TRIQK: variants seen among roughly 807,000 people sequenced by gnomAD.
The protein encoded by TRIQK is triple QxxK/R motif containing.
TRIQK carries 10 observed loss-of-function variants against 10.8 expected under a neutral mutation model. The ratio of observed to expected loss-of-function variants is 0.92; its 90% CI spans 0.57 to 1.57. The LOEUF (loss-of-function observed/expected upper bound fraction) is 1.57. Ranked by LOEUF, TRIQK falls within the 40% of genes most tolerant of loss-of-function variation. The probability of loss-of-function intolerance (pLI) is 0.00; values close to 1 mark genes in which losing one functional copy is unlikely to be tolerated. For missense variants in TRIQK, 107 were observed against 97.7 expected (o/e 1.09, Z -0.40); for synonymous variants, 33 against 33.7 (o/e 0.98, Z 0.07).
chr8:92,892,615 T>A (rs1228685242), intron 3 of TRIQK, among the ~76,000 whole-genome samples: 2 of 151,614 alleles, frequency 1.3e-5, no homozygotes, highest in East Asian at 1.9e-4. Flanking sequence ...ATATTTCTTT[T>A]ATTTCCTCTT....
chr8:92,890,198 T>C (rs1816692744), intron 4 of TRIQK, among the ~76,000 whole-genome samples: 1 of 151,776 alleles, frequency 6.6e-6, no homozygotes, highest in African/African-American at 2.4e-5. Context: ...GGCAAATTAA[T>C]TAGTATGCCA....
chr8:92,887,477 A>G (rs1462519352), intron 4 of TRIQK, among the ~76,000 whole-genome samples: 1 of 151,492 alleles, frequency 6.6e-6, no homozygotes, highest in Non-Finnish European at 1.5e-5. Flanking sequence ...TAAAAATCAT[A>G]TTATCTCTCA....
chr8:92,977,051 C>T (rs1812940687), intron 1 of TRIQK, among the ~76,000 whole-genome samples: 1 of 151,856 alleles, frequency 6.6e-6, no homozygotes, highest in African/African-American at 2.4e-5. Flanking sequence ...TGTATATTTA[C>T]CCACATATTT....
At chr8:93,005,377 C>T (rs1375460427) in intron 1 of TRIQK, among the ~76,000 whole-genome samples, 2 of 152,102 alleles carry the variant, frequency 1.3e-5, no homozygotes, top group African/African-American at 4.8e-5. Context: ...GAGAAATCCA[C>T]CCCCATGATC....
At chr8:93,004,554 T>TC (rs1314800785) in intron 1 of TRIQK, among the ~76,000 whole-genome samples, 1 of 152,240 alleles carries the variant, frequency 6.6e-6, no homozygotes, top group Non-Finnish European at 1.5e-5. Context: ...TTGAATTCCT[T>TC]CCCCAAAAGT....
intron 1 of TRIQK, among the ~76,000 whole-genome samples, chr8:93,013,760 T>C (rs1234861642): frequency 6.6e-6 from 1 of 152,108 alleles, no homozygotes; most frequent in Non-Finnish European, 1.5e-5. Flanking sequence ...ACAAAACAAT[T>C]CCATTTTCTT....
chr8:92,950,082 G>A (rs1811816321), intron 2 of TRIQK, among the ~76,000 whole-genome samples: 2 of 152,116 alleles, frequency 1.3e-5, no homozygotes, highest in South Asian at 4.1e-4. Context: ...CAGCTAAGTG[G>A]CTTCTACAAA....
At chr8:92,956,021 C>T (rs974012371) in intron 1 of TRIQK, among the ~76,000 whole-genome samples, 7 of 151,656 alleles carry the variant, frequency 4.6e-5, no homozygotes, top group Admixed American at 6.6e-5. Flanking sequence ...CAAAAATGCA[C>T]GGAGTTACCA....
In TRIQK at chr8:92,966,003, AC is replaced by A. The variant is rs1285964631; in HGVS notation, c.-181+3del. On this transcript the variant is annotated splice_donor_region_variant and intron_variant, in intron 1 of 4. Coordinates refer to ENST00000521988, the MANE Select transcript of TRIQK (RefSeq NM_001171797.2). ...CAATCCCCTCGCACTCGCCGGACAC[AC>A]ACCTCAGCTCTGCCAAGGCAAGGGC... The A allele has an allele frequency of 6.6e-6, 1 of 152,666 alleles. No individual in the cohort carries two copies. Among genetic ancestry groups the A allele is most frequent in the Non-Finnish European group, 1.5e-5 (1 of 68,422 alleles). 9.5% of individuals were successfully genotyped at this position (152,666 alleles called of 1,614,324 possible).
chr8:92,886,479 G>GCAA lies in TRIQK; in HGVS notation c.*140_*142dup. ...TAAGGTTCTTTTCCTGACATCCTAT[G>GCAA]CAACTATCAAAAATCATATGTCTGC... is the stretch of plus-strand genomic sequence containing the variant. On this transcript the variant is annotated 3_prime_UTR_variant, in exon 5 of 5. Coordinates refer to ENST00000521988, the MANE Select transcript of TRIQK (RefSeq NM_001171797.2). 1 of 562,038 alleles carries GCAA rather than the reference G, an allele frequency of 1.8e-6. No homozygotes were observed. Among genetic ancestry groups the GCAA allele is most frequent in the Non-Finnish European group, 3.1e-6 (1 of 319,922 alleles). The allele number at this position is 562,038 out of a possible 1,614,324, so 34.8% of individuals were successfully genotyped here.
At chr8:93,016,717 A>G (rs1203805610) in intron 1 of TRIQK, among the ~76,000 whole-genome samples, 1 of 152,190 alleles carries the variant, frequency 6.6e-6, no homozygotes, top group Non-Finnish European at 1.5e-5. Flanking sequence ...GCAGTCATCC[A>G]GGCAGTGAGC....
intron 4 of TRIQK, among the ~76,000 whole-genome samples, chr8:92,889,722 A>C (rs1409482529): frequency 2.0e-5 from 3 of 151,648 alleles, no homozygotes; most frequent in Non-Finnish European, 4.4e-5. Context: ...CTAGTGTATT[A>C]TTGAACTCTC....
intron 2 of TRIQK, among the ~76,000 whole-genome samples, chr8:92,949,812 AAGAAAGAAAGAAAG>A (rs1811784112): frequency 7.1e-6 from 1 of 140,696 alleles, no homozygotes; most frequent in Non-Finnish European, 1.6e-5. Flanking sequence ...GAAAGAAAGA[AAGAAAGAAAGAAAG>A]AAAGAAAGAA....
chr8:92,936,829 T>A (rs1475481111), intron 2 of TRIQK, among the ~76,000 whole-genome samples: 1 of 151,802 alleles, frequency 6.6e-6, no homozygotes, highest in Non-Finnish European at 1.5e-5. Flanking sequence ...AGTTTATATA[T>A]AAAATTCTAA....
chr8:92,938,738 A>G (rs1811121912), intron 2 of TRIQK, among the ~76,000 whole-genome samples: 1 of 152,084 alleles, frequency 6.6e-6, no homozygotes, highest in Non-Finnish European at 1.5e-5. Context: ...TGTTACTGCA[A>G]TATCTTCAAG....
chr8:92,973,049 G>A (rs1432945543), intron 1 of TRIQK: 1 of 152,168 alleles, frequency 6.6e-6, no homozygotes. Flanking sequence ...AATTCTGATG[G>A]ACCCATCATA....
chr8:92,996,760 G>A lies in TRIQK; in HGVS notation c.-181+20849C>T, dbSNP rs1586526472. Among the ~76,000 whole-genome samples the A allele has an allele frequency of 2.0e-5, 3 of 151,952 alleles. No homozygotes were observed. In the East Asian group the frequency reaches 5.8e-4, roughly 29 times the overall value. ...TAAAGGATTAGAGCTTGGGTAGACT[G>A]CTCTTCTTTTGGGAAGTTTAATAAG... On this transcript the variant is annotated intron_variant, in intron 1 of 4. Coordinates refer to the TRIQK transcript ENST00000520686.
intron 4 of TRIQK, 60 bp from the exon 5 acceptor site, chr8:92,886,795 G>T: frequency 1.1e-6 from 1 of 884,432 alleles, no homozygotes; most frequent in Non-Finnish European, 1.8e-6. Flanking sequence ...AACATTATTA[G>T]TTTCACCAGA....
At chr8:92,919,949 A>T (rs1216774630) in intron 2 of TRIQK, among the ~76,000 whole-genome samples, 1 of 151,692 alleles carries the variant, frequency 6.6e-6, no homozygotes, top group Non-Finnish European at 1.5e-5. Context: ...GTCGCTAATG[A>T]TCTTTTGCAT....
Sources: allele counts gnomAD v4.1 joint callset (sites outside exome capture counted in the v4.1 genomes callset), GRCh38; gene constraint gnomAD v4.1.1; transcripts MANE v1.5; gene names NCBI Gene and HGNC (gene_info 2026-07-23, HGNC 2026-07-21).